The following KCNC1 variants were observed in gnomAD, a reference collection of about 807,000 sequenced individuals.
The protein encoded by KCNC1 is potassium voltage-gated channel subfamily C member 1.
In KCNC1, 8 loss-of-function variants were observed where a neutral mutation model predicts 43.4. The observed-to-expected ratio is 0.18, with a 90% CI of 0.11 to 0.33. KCNC1 has a LOEUF of 0.33. Among genes scored for constraint, KCNC1 ranks in the 10% least tolerant of loss-of-function variants. KCNC1 has a pLI of 1.00. For synonymous variants in KCNC1, 361 were observed against 360.5 expected (o/e 1.00, Z -0.01); for missense variants, 420 against 836.0 (o/e 0.50, Z 6.14).
intron 2 of KCNC1, chr11:17,774,280 G>A: frequency 1.0e-6 from 1 of 985,506 alleles, no homozygotes; most frequent in Non-Finnish European, 1.2e-6. Context: ...GGAACGCGTG[G>A]GCTGGCCCAG....
intron 1 of KCNC1, among the ~76,000 whole-genome samples, chr11:17,748,381 C>G (rs532126837): frequency 6.6e-6 from 1 of 152,126 alleles, no homozygotes; most frequent in Admixed American, 6.5e-5. Context: ...AGTGGTATAT[C>G]AGAAGGGGTG....
chr11:17,740,140 G>A (rs895726459), intron 1 of KCNC1, among the ~76,000 whole-genome samples: 4 of 152,166 alleles, frequency 2.6e-5, no homozygotes, highest in African/African-American at 9.7e-5. Flanking sequence ...GGGCGGGAGG[G>A]CCCATCTGAG....
At chr11:17,753,865 C>T (rs1848996179) in intron 1 of KCNC1, among the ~76,000 whole-genome samples, 1 of 152,174 alleles carries the variant, frequency 6.6e-6, no homozygotes, top group Admixed American at 6.5e-5. Context: ...CTCCAGTGCC[C>T]GCATCCAGGT....
At chr11:17,757,867 G>A (rs1025965376) in intron 1 of KCNC1, among the ~76,000 whole-genome samples, 2 of 152,142 alleles carry the variant, frequency 1.3e-5, no homozygotes, top group African/African-American at 2.4e-5. Flanking sequence ...GCTGATAGAG[G>A]GTCTTGCCTC....
At position 17,782,816 on chromosome 11, in the gene KCNC1, T is replaced by C. The variant is rs1849361800; in HGVS notation, c.*1082T>C. Reference sequence around the variant, plus strand: ...ACTTCTGCATCTCGAATAAATATAGTATTTTCCCAACAGAAACAGAGGACA... The same window carrying C: ...ACTTCTGCATCTCGAATAAATATAGCATTTTCCCAACAGAAACAGAGGACA... On this transcript the variant is annotated 3_prime_UTR_variant, in exon 4 of 4. Coordinates refer to ENST00000265969, the MANE Select transcript of KCNC1 (RefSeq NM_001112741.2). The C allele has an allele frequency of 2.0e-5, 3 of 151,866 alleles. No individual in the cohort carries two copies. Among genetic ancestry groups the C allele is most frequent in the African/African-American group, 4.8e-5 (2 of 41,302 alleles). 9.4% of individuals were successfully genotyped at this position (151,866 alleles called of 1,614,324 possible).
chr11:17,755,067 A>G (rs1751237901), intron 1 of KCNC1, among the ~76,000 whole-genome samples: 1 of 152,160 alleles, frequency 6.6e-6, no homozygotes, highest in South Asian at 2.1e-4. Context: ...GGGTGGTCAG[A>G]AGCACCCTCT....
intron 3 of KCNC1, chr11:17,780,010 C>T (rs2133810736): frequency 5.6e-6 from 1 of 179,030 alleles, no homozygotes; most frequent in Admixed American, 6.0e-5. Flanking sequence ...GCAAAGTGAT[C>T]TCTCCTCTCC....
In KCNC1 at chr11:17,781,698, T is replaced by C; in HGVS notation, c.1722T>C (p.Ala574=). The C allele has an allele frequency of 6.4e-7, 1 of 1,551,540 alleles. No homozygotes were observed. The highest frequency in any genetic ancestry group is 8.7e-7 in the Non-Finnish European group (1 of 1,146,806). The change falls in exon 4 of 4, where the codon GCT becomes GCC. Residue 574 remains alanine, a synonymous_variant. Transcript: ENST00000265969. The surrounding 1 kb of genome is among the most constrained non-coding windows in gnomAD (Gnocchi z 5.1). ...KDLCKESPVI[A]KYMPTEAVRV... The stretch of plus-strand genomic sequence containing the variant: ...TTTGCAAAGAAAGCCCTGTCATTGC[T>C]AAGTATATGCCGACAGAGGCTGTGA...
At chr11:17,775,199 C>T in intron 2 of KCNC1, 1 of 985,608 alleles carries the variant, frequency 1.0e-6, no homozygotes, top group Non-Finnish European at 1.2e-6. Context: ...GTCTAGTGGC[C>T]TCGCCAAAAC....
intron 1 of KCNC1, among the ~76,000 whole-genome samples, chr11:17,762,832 C>T (rs1001535139): frequency 3.3e-5 from 5 of 152,158 alleles, no homozygotes; most frequent in African/African-American, 1.2e-4. Context: ...CCATTCCCAC[C>T]CGCCAGGCAG....
chr11:17,752,617 A>T (rs1165262822), intron 1 of KCNC1, among the ~76,000 whole-genome samples: 1 of 152,230 alleles, frequency 6.6e-6, no homozygotes, highest in Non-Finnish European at 1.5e-5. Context: ...AATGTTTGTC[A>T]GGGGGCCAGT....
chr11:17,769,579 C>T (rs746953589), intron 1 of KCNC1, among the ~76,000 whole-genome samples: 5 of 152,098 alleles, frequency 3.3e-5, no homozygotes, highest in Admixed American at 6.5e-5. Context: ...GGGTGGCTTT[C>T]GCCTGTAATC....
At chr11:17,741,889 C>G (rs1032566576) in intron 1 of KCNC1, among the ~76,000 whole-genome samples, 1 of 152,242 alleles carries the variant, frequency 6.6e-6, no homozygotes, top group East Asian at 1.9e-4. Flanking sequence ...CACCCCACCT[C>G]AAACAGCAGC....
chr11:17,776,082 G>A lies in KCNC1; in HGVS notation c.1505-3374G>A. ...AGGGTCAGCAGCCTGTGGGCCCTGA[G>A]TGGGGTCTTTGTTGTCCTCAGGTGG... On this transcript the variant is annotated intron_variant, in intron 2 of 3. Coordinates refer to ENST00000265969, the MANE Select transcript of KCNC1 (RefSeq NM_001112741.2). The surrounding 1 kb of genome is among the most constrained non-coding windows in gnomAD (Gnocchi z 4.4). 1.0e-6 allele frequency: 1 copy of A among 985,504 alleles called. No homozygotes were observed. The allele number at this position is 985,504 out of a possible 1,614,324, so 61.0% of individuals were successfully genotyped here.
chr11:17,765,807 G>A (rs1308340995), intron 1 of KCNC1: 1 of 152,278 alleles, frequency 6.6e-6, no homozygotes, highest in Admixed American at 6.5e-5. Flanking sequence ...AGCCCAGGAG[G>A]GACTGGCCTC....
At chr11:17,737,310 G>C (rs930809683) in intron 1 of KCNC1, among the ~76,000 whole-genome samples, 9 of 152,138 alleles carry the variant, frequency 5.9e-5, no homozygotes, top group African/African-American at 9.7e-5. Context: ...GGGTCACTGG[G>C]CTTATGCCAG....
Position 17,771,615 on chromosome 11 carries a change from T to C in KCNC1, c.571-50T>C. 6.6e-7 allele frequency: 1 copy of C among 1,524,502 alleles called. No homozygotes were observed. The highest frequency in any genetic ancestry group is 8.9e-7 in the Non-Finnish European group (1 of 1,118,394). 94.4% of individuals were successfully genotyped at this position (1,524,502 alleles called of 1,614,324 possible). On this transcript the variant is annotated intron_variant, in intron 1 of 3. Transcript: ENST00000265969. The surrounding 1 kb of genome is among the most constrained non-coding windows in gnomAD (Gnocchi z 4.7). Reference sequence around the variant, plus strand: ...GGACTGGACAGAGGCAACCCAGGCTTCTCCACTCTGGGTGGGCCTCCCTCT... The same window carrying C: ...GGACTGGACAGAGGCAACCCAGGCTCCTCCACTCTGGGTGGGCCTCCCTCT...
At position 17,736,340 on chromosome 11, in the gene KCNC1, G is replaced by T; in HGVS notation, c.338G>T (p.Arg113Leu). 6.2e-7 allele frequency: 1 copy of T among 1,612,994 alleles called. No homozygotes were observed. The highest frequency in any genetic ancestry group is 8.5e-7 in the Non-Finnish European group (1 of 1,179,828). ...TGCTGGATGACGTACCGCCAGCACCGCGACGCCGAGGAGGCTCTGGACAGC... is the reference window on the plus strand; with the variant it reads ...TGCTGGATGACGTACCGCCAGCACCTCGACGCCGAGGAGGCTCTGGACAGC... ...PCCWMTYRQH[R>L]DAEEALDSFG... Residue 113 changes from arginine (R) to leucine (L), a missense_variant, in exon 1 of 4, where the codon CGC becomes CTC. Physicochemically the swap from Arg to Leu is moderately radical, Grantham distance 102. Transcript: ENST00000265969. This position sits in a 1 kb window ranked among gnomAD's most constrained non-coding sequence, Gnocchi z 9.3.
chr11:17,776,147 G>C lies in KCNC1; in HGVS notation c.1505-3309G>C. On this transcript the variant is annotated intron_variant, in intron 2 of 3. Transcript: ENST00000265969. The surrounding 1 kb of genome is among the most constrained non-coding windows in gnomAD (Gnocchi z 4.4). The stretch of plus-strand genomic sequence containing the variant: ...AGCGGAGAAATGAAGTGACGCCAGG[G>C]GCCAGGCATGGGTGTTCTTTTCCGT... 1.0e-6 allele frequency: 1 copy of C among 985,444 alleles called. No homozygotes were observed. Among genetic ancestry groups the C allele is most frequent in the Non-Finnish European group, 1.2e-6 (1 of 829,978 alleles). 61.0% of individuals were successfully genotyped at this position (985,444 alleles called of 1,614,324 possible).
Sources: allele counts gnomAD v4.1 joint callset (sites outside exome capture counted in the v4.1 genomes callset), GRCh38; gene constraint gnomAD v4.1.1; non-coding constraint Gnocchi (gnomAD v3.1); transcripts MANE v1.5; gene names NCBI Gene and HGNC (gene_info 2026-07-23, HGNC 2026-07-21).